Variants in ZFHX4 observed in about 807,000 individuals in gnomAD.
The protein encoded by ZFHX4 is zinc finger homeobox 4.
ZFHX4 carries 56 observed loss-of-function variants against 267.6 expected under a neutral mutation model. The ratio of observed to expected loss-of-function variants is 0.21; its 90% CI spans 0.17 to 0.26. ZFHX4 has a LOEUF of 0.26. Ranked by LOEUF, ZFHX4 falls within the 10% of genes least tolerant of loss-of-function variation. ZFHX4 has a pLI of 1.00. For missense variants in ZFHX4, 4,332 were observed against 4,420.0 expected, an observed-to-expected ratio of 0.98 and a Z score of 0.56; for synonymous variants, 1,778 against 1,665.6, an observed-to-expected ratio of 1.07 and a Z score of -1.64.
intron 6 of ZFHX4, among the ~76,000 whole-genome samples, chr8:76,847,638 A>G (rs1360020926): frequency 6.6e-6 from 1 of 152,158 alleles, no homozygotes; most frequent in Non-Finnish European, 1.5e-5. Flanking sequence ...TCTGCATGGA[A>G]TCACTCTTGC....
intron 3 of ZFHX4, among the ~76,000 whole-genome samples, chr8:76,723,799 A>G (rs1240132537): frequency 6.6e-6 from 1 of 152,002 alleles, no homozygotes; most frequent in African/African-American, 2.4e-5. Context: ...TTGACGTGGA[A>G]CATTTGTGTC....
chr8:76,778,317 C>T lies in ZFHX4; in HGVS notation c.3203C>T (p.Ser1068Leu), dbSNP rs758193771. 1.1e-5 allele frequency: 18 copies of T among 1,613,808 alleles called. No individual in the cohort carries two copies. The highest frequency in any genetic ancestry group is 1.7e-4 in the Middle Eastern group (1 of 6,058). The change falls in exon 4 of 11, where the codon TCG becomes TTG. Residue 1068 changes from serine to leucine, a missense_variant. Transcript: ENST00000651372. ...VKLNLVQHVR[S>L]VKHQQTEGLR... ...TTGAATCTGGTACAACATGTCCGTT[C>T]GGTGAAGCATCAGCAGACTGAGGGC...
At chr8:76,842,161 C>G (rs1362693513) in intron 5 of ZFHX4, among the ~76,000 whole-genome samples, 1 of 152,018 alleles carries the variant, frequency 6.6e-6, no homozygotes, top group Non-Finnish European at 1.5e-5. Flanking sequence ...AGATCTTACT[C>G]TAAGAAAATG....
At chr8:76,683,595 A>T (rs1421934185) in intron 1 of ZFHX4, among the ~76,000 whole-genome samples, 1 of 150,858 alleles carries the variant, frequency 6.6e-6, no homozygotes, top group Non-Finnish European at 1.5e-5. Flanking sequence ...ATCAAGGATC[A>T]TGTAGATGGC....
chr8:76,757,807 G>C (rs532166814), intron 3 of ZFHX4, among the ~76,000 whole-genome samples: 1 of 152,266 alleles, frequency 6.6e-6, no homozygotes, highest in African/African-American at 2.4e-5. Context: ...AAAGATGAGC[G>C]TGGGAGTAGA....
At chr8:76,698,447 C>G (rs1374697317) in intron 1 of ZFHX4, among the ~76,000 whole-genome samples, 1 of 152,200 alleles carries the variant, frequency 6.6e-6, no homozygotes, top group African/African-American at 2.4e-5. Context: ...CTATTGGACT[C>G]ATTGGTAAAG....
chr8:76,775,809 T>C (rs1423646527), intron 3 of ZFHX4, among the ~76,000 whole-genome samples: 2 of 152,236 alleles, frequency 1.3e-5, no homozygotes, highest in Middle Eastern at 3.4e-3. Flanking sequence ...TTGATATGCT[T>C]GGCTTGCTCC....
intron 4 of ZFHX4, among the ~76,000 whole-genome samples, chr8:76,818,996 G>T (rs576770861): frequency 6.6e-5 from 10 of 152,230 alleles, no homozygotes; most frequent in African/African-American, 2.4e-4. Flanking sequence ...CCCACTAAAG[G>T]TTGAAGCTTG....
rs772856785 is a variant in ZFHX4, at chr8:76,852,387, ACAGCAG to A, written c.5475_5480del (p.Gln1828_Gln1829del). The stretch of plus-strand genomic sequence containing the variant: ...AACAACAGCAGCAGCCACCACCTCC[ACAGCAG>A]CAGCAGCAACAGCAGGCAAGCAAAT... On this transcript the variant is annotated inframe_deletion, in exon 10 of 11. Transcript: ENST00000651372. 89 of 1,554,308 alleles carry A rather than the reference ACAGCAG, an allele frequency of 5.7e-5. No individual in the cohort carries two copies. Among genetic ancestry groups the A allele is most frequent in the Non-Finnish European group, 7.3e-5 (84 of 1,148,420 alleles).
chr8:76,750,521 C>A (rs1809585862), intron 3 of ZFHX4, among the ~76,000 whole-genome samples: 1 of 152,024 alleles, frequency 6.6e-6, no homozygotes, highest in Non-Finnish European at 1.5e-5. Flanking sequence ...TGTATTCTTA[C>A]AAGGTAAAAT....
At chr8:76,745,805 G>T (rs374661729) in intron 3 of ZFHX4, among the ~76,000 whole-genome samples, 2 of 152,062 alleles carry the variant, frequency 1.3e-5, no homozygotes, top group Admixed American at 6.6e-5. Flanking sequence ...GAAGCTTTGG[G>T]ATAGCATAAT....
chr8:76,751,003 A>G (rs1351596604), intron 3 of ZFHX4, among the ~76,000 whole-genome samples: 1 of 152,176 alleles, frequency 6.6e-6, no homozygotes, highest in Non-Finnish European at 1.5e-5. Context: ...AAGACAATCT[A>G]TATTGATTAA....
At chr8:76,758,013 A>G (rs573760304) in intron 3 of ZFHX4, among the ~76,000 whole-genome samples, 3 of 152,312 alleles carry the variant, frequency 2.0e-5, no homozygotes, top group East Asian at 1.9e-4. Flanking sequence ...TAGTTTGTCT[A>G]TAGAACACTG....
intron 5 of ZFHX4, among the ~76,000 whole-genome samples, chr8:76,841,880 G>A (rs1395701373): frequency 6.6e-6 from 1 of 152,060 alleles, no homozygotes; most frequent in Non-Finnish European, 1.5e-5. Context: ...GAGAACAGTG[G>A]GCCTTTCACG....
At chr8:76,827,722 C>T (rs533779902) in intron 4 of ZFHX4, among the ~76,000 whole-genome samples, 1 of 152,238 alleles carries the variant, frequency 6.6e-6, no homozygotes, top group Non-Finnish European at 1.5e-5. Flanking sequence ...TCATAGATGA[C>T]TCAAGAAGCA....
rs1339350986 is a variant in ZFHX4 at position 76,704,212 on chromosome 8, A to G, written c.124A>G (p.Arg42Gly). 3.7e-6 allele frequency: 6 copies of G among 1,614,036 alleles called. No homozygotes were observed. Among genetic ancestry groups the G allele is most frequent in the Non-Finnish European group, 5.1e-6 (6 of 1,179,892 alleles). The change falls in exon 2 of 11, where the codon AGG becomes GGG. Residue 42 changes from arginine (R) to glycine (G), a missense_variant. Around this residue, in one of 7 missense-constraint regions of ZFHX4, gnomAD observed 1,195 missense variants for 1,173.6 expected, o/e 1.02. Coordinates refer to ENST00000651372, the MANE Select transcript of ZFHX4 (RefSeq NM_024721.5). ...GAAAGTTGCAGGGATGGAGCCTGAC[A>G]GGGAAAACAGCTCCACAGATGACAA... is the stretch of plus-strand genomic sequence containing the variant. ...PEKVAGMEPD[R>G]ENSSTDDNLK...
chr8:76,723,143 C>G (rs568829280), intron 3 of ZFHX4, among the ~76,000 whole-genome samples: 3 of 152,080 alleles, frequency 2.0e-5, no homozygotes. Flanking sequence ...TCAAGTCAGC[C>G]AAGTGTGAAT....
intron 3 of ZFHX4, among the ~76,000 whole-genome samples, chr8:76,761,520 G>T (rs1487603249): frequency 6.6e-6 from 1 of 151,926 alleles, no homozygotes; most frequent in Non-Finnish European, 1.5e-5. Flanking sequence ...CTTTATTACA[G>T]TTAGGTTATT....
At chr8:76,780,745 T>G (rs1810525448) in intron 4 of ZFHX4, among the ~76,000 whole-genome samples, 1 of 152,080 alleles carries the variant, frequency 6.6e-6, no homozygotes. Context: ...TAGACAGTAT[T>G]TTGGACCAAA....
Sources: gnomAD v4.1 joint callset for allele counts (sites outside exome capture counted in the v4.1 genomes callset) on GRCh38, gnomAD v4.1.1 for gene constraint, gnomAD v4.1.1 regional missense constraint, MANE v1.5 for transcripts, NCBI Gene and HGNC (gene_info 2026-07-23, HGNC 2026-07-21) for gene names.